CSGALNACT1: variants seen among roughly 807,000 people sequenced by gnomAD.
CSGALNACT1 encodes chondroitin sulfate N-acetylgalactosaminyltransferase 1.
A neutral mutation model predicts 51.0 loss-of-function variants in CSGALNACT1; 52 were observed. The observed-to-expected ratio is 1.02, with a 90% CI of 0.82 to 1.29. The LOEUF is 1.29. CSGALNACT1 is among the 50% of genes most tolerant of loss of function. CSGALNACT1 has a pLI of 0.00. For synonymous variants in CSGALNACT1, 341 were observed against 254.4 expected (o/e 1.34, Z -3.24); for missense variants, 935 against 679.2 (o/e 1.38, Z -4.19).
rs964599319 is a variant in CSGALNACT1, at chr8:19,757,376, G to GCCTGGCGC, written c.-297+466_-297+473dup. ...GGCGGGCGGGCGCAACAGCGGCCAA[G>GCCTGGCGC]CCTGGCGCCCCGCCGCAGGGTAGGT... On this transcript the variant is annotated intron_variant, in intron 1 of 1. Transcript: ENST00000517494. The surrounding 1 kb of genome is among the most constrained non-coding windows in gnomAD (Gnocchi z 4.0). The GCCTGGCGC allele has an allele frequency of 1.3e-5, 2 of 151,658 alleles. No homozygotes were observed. The allele number at this position is 151,658 out of a possible 1,614,324, so 9.4% of individuals were successfully genotyped here.
chr8:19,476,516 A>T (rs1319390938), intron 4 of CSGALNACT1, among the ~76,000 whole-genome samples: 1 of 152,144 alleles, frequency 6.6e-6, no homozygotes, highest in Non-Finnish European at 1.5e-5. Flanking sequence ...TGCTGGGGTT[A>T]CATGTGTGAG....
intron 1 of CSGALNACT1, among the ~76,000 whole-genome samples, chr8:19,643,959 AAC>A (rs1311421643): frequency 6.6e-6 from 1 of 152,218 alleles, no homozygotes. Context: ...ATCTAAATCA[AAC>A]AGTCATAAAT....
chr8:19,607,098 C>T (rs999014972), upstream of CSGALNACT1, among the ~76,000 whole-genome samples: 30 of 151,114 alleles, frequency 2.0e-4, no homozygotes, highest in Middle Eastern at 3.4e-3. Context: ...GAGTGTGCAG[C>T]GAGCTGAGAA....
In CSGALNACT1 at chr8:19,547,783, C is replaced by G. The variant is rs1387951766; in HGVS notation, c.-296-41653G>C. Among the ~76,000 whole-genome samples the G allele has an allele frequency of 2.0e-5, 3 of 152,138 alleles. No homozygotes were observed. In the East Asian group the frequency reaches 5.8e-4, roughly 29 times the overall value. On this transcript the variant is annotated intron_variant, in intron 3 of 9. Transcript: ENST00000454498. Reference sequence around the variant, plus strand: ...AACTTGGAAAAAGGGAGATGGATCACTGATTTGTACAATAAATTCCTTACT... The same window carrying G: ...AACTTGGAAAAAGGGAGATGGATCAGTGATTTGTACAATAAATTCCTTACT...
In CSGALNACT1 at chr8:19,420,520, T is replaced by C; in HGVS notation, c.954-2A>G. 6.2e-7 allele frequency: 1 copy of C among 1,613,840 alleles called. No homozygotes were observed. The highest frequency in any genetic ancestry group is 8.5e-7 in the Non-Finnish European group (1 of 1,180,004). On this transcript the variant is annotated splice_acceptor_variant, in intron 6 of 9. Transcript: ENST00000454498. LOFTEE classifies it high-confidence loss of function. ...GTAAAGTTCCTGAAGTTGGCAGCTCTGAAAGGCAAGACCAGGTACTGTCAC... is the reference window on the plus strand; with the variant it reads ...GTAAAGTTCCTGAAGTTGGCAGCTCCGAAAGGCAAGACCAGGTACTGTCAC...
intron 1 of CSGALNACT1, among the ~76,000 whole-genome samples, chr8:19,707,821 T>C (rs1433946463): frequency 6.6e-6 from 1 of 152,192 alleles, no homozygotes; most frequent in East Asian, 1.9e-4. Context: ...GCCAAGATGG[T>C]GAAACCCTGT....
chr8:19,444,745 A>T (rs949128053), intron 5 of CSGALNACT1, among the ~76,000 whole-genome samples: 23 of 152,334 alleles, frequency 1.5e-4, no homozygotes, highest in African/African-American at 5.1e-4. Context: ...TCTTGCCCTC[A>T]TAACACTTAC....
At chr8:19,726,671 G>T (rs1001781849) in intron 1 of CSGALNACT1, among the ~76,000 whole-genome samples, 2 of 151,976 alleles carry the variant, frequency 1.3e-5, no homozygotes, top group Non-Finnish European at 2.9e-5. Context: ...AATATTTTTA[G>T]AATGAGTATA....
At chr8:19,436,900 G>T (rs1046700927) in intron 6 of CSGALNACT1, among the ~76,000 whole-genome samples, 1 of 152,192 alleles carries the variant, frequency 6.6e-6, no homozygotes, top group South Asian at 2.1e-4. Flanking sequence ...GACAGAGCAA[G>T]ACCTTGTCTC....
chr8:19,647,483 T>G (rs557870945), intron 1 of CSGALNACT1, among the ~76,000 whole-genome samples: 1 of 152,298 alleles, frequency 6.6e-6, no homozygotes, highest in African/African-American at 2.4e-5. Context: ...GCATGTTATT[T>G]TTGCTCCTCC....
chr8:19,519,858 T>G (rs530276935), intron 3 of CSGALNACT1, among the ~76,000 whole-genome samples: 1 of 152,344 alleles, frequency 6.6e-6, no homozygotes, highest in South Asian at 2.1e-4. Flanking sequence ...AAGCCTGGTC[T>G]GCCACAGGCA....
rs76981699 is a variant in CSGALNACT1, at chr8:19,701,718, C to T, written c.-297+56132G>A. Among the ~76,000 whole-genome samples, 1,052 of 152,306 alleles carry T rather than the reference C, an allele frequency of 6.9e-3. 12 individuals carry two copies. Among genetic ancestry groups the T allele is most frequent in the African/African-American group, 0.023 (964 of 41,552 alleles). On this transcript the variant is annotated intron_variant, in intron 1 of 1. Coordinates refer to the CSGALNACT1 transcript ENST00000517494. Reference sequence around the variant, plus strand: ...TGACAATGTTAATATCTATGCAGCGCATCCTACATGTCACGTACTGAAGCC... The same window carrying T: ...TGACAATGTTAATATCTATGCAGCGTATCCTACATGTCACGTACTGAAGCC...
At chr8:19,587,208 C>T (rs1458763236) in intron 3 of CSGALNACT1, among the ~76,000 whole-genome samples, 2 of 152,212 alleles carry the variant, frequency 1.3e-5, no homozygotes, top group Non-Finnish European at 2.9e-5. Context: ...GTAACTGGCA[C>T]TGCCCAAGAC....
At chr8:19,483,338 A>G (rs560018924) in intron 4 of CSGALNACT1, among the ~76,000 whole-genome samples, 121 of 152,370 alleles carry the variant, frequency 7.9e-4, no homozygotes, top group African/African-American at 2.7e-3. Flanking sequence ...AAGTTAAAGC[A>G]CTTCATTATG....
intron 4 of CSGALNACT1, among the ~76,000 whole-genome samples, chr8:19,498,759 C>A (rs1307460576): frequency 1.3e-5 from 2 of 152,156 alleles, no homozygotes; most frequent in Non-Finnish European, 2.9e-5. Context: ...CACAAATTTT[C>A]TCTCATAACA....
At chr8:19,679,070 T>A (rs2060403158) in intron 1 of CSGALNACT1, among the ~76,000 whole-genome samples, 2 of 152,056 alleles carry the variant, frequency 1.3e-5, no homozygotes, top group Admixed American at 1.3e-4. Flanking sequence ...TGTAGAAAAA[T>A]TTCATAAAGA....
rs147388907 is a variant in CSGALNACT1, at chr8:19,681,499, G to A, written c.-544+974C>T. On this transcript the variant is annotated intron_variant, in intron 1 of 9. Transcript: ENST00000332246. ...CTGGGGACCTAGGGACCTGGGAGGAGAGAGGTCAGAGCAGATACAAGACAA... is the reference window on the plus strand; with the variant it reads ...CTGGGGACCTAGGGACCTGGGAGGAAAGAGGTCAGAGCAGATACAAGACAA... Among the ~76,000 whole-genome samples the A allele has an allele frequency of 1.5e-3, 222 of 152,332 alleles. 2 individuals are homozygous for A. The highest frequency in any genetic ancestry group is 5.1e-3 in the African/African-American group (214 of 41,566).
At chr8:19,496,042 G>A (rs921584829) in intron 4 of CSGALNACT1, among the ~76,000 whole-genome samples, 7 of 152,276 alleles carry the variant, frequency 4.6e-5, no homozygotes, top group African/African-American at 9.6e-5. Context: ...CCCGTATTCC[G>A]GCAATGAGGA....
At chr8:19,629,998 C>T (rs2054993622) in intron 1 of CSGALNACT1, among the ~76,000 whole-genome samples, 1 of 152,162 alleles carries the variant, frequency 6.6e-6, no homozygotes, top group African/African-American at 2.4e-5. Flanking sequence ...GGGAGTCCGA[C>T]ATCCTAAAGA....
Sources: gnomAD v4.1 joint callset for allele counts (sites outside exome capture counted in the v4.1 genomes callset) on GRCh38, gnomAD v4.1.1 for gene constraint, Gnocchi (gnomAD v3.1) non-coding constraint, MANE v1.5 for transcripts, NCBI Gene and HGNC (gene_info 2026-07-23, HGNC 2026-07-21) for gene names.